TANC2: variants seen among roughly 807,000 people sequenced by gnomAD.
TANC2 encodes the protein protein TANC2.
Under a neutral mutation model 210.5 loss-of-function variants are expected in TANC2, and 26 were observed. The ratio of observed to expected loss-of-function variants is 0.12; its 90% CI spans 0.09 to 0.17. The LOEUF (loss-of-function observed/expected upper bound fraction) is 0.17, where lower values mean the gene tolerates loss of function less well. TANC2 is among the 10% of genes least tolerant of loss of function. The pLI is 1.00. For missense variants in TANC2, 2,129 were observed against 2,608.9 expected, an observed-to-expected ratio of 0.82 and a Z score of 4.01; for synonymous variants, 931 against 967.1, an observed-to-expected ratio of 0.96 and a Z score of 0.69.
chr17:63,003,899 G>C (rs1038076011), intron 1 of TANC2, among the ~76,000 whole-genome samples: 6 of 151,294 alleles, frequency 4.0e-5, no homozygotes, highest in Admixed American at 2.0e-4. Context: ...TAATTTGTTT[G>C]TTTTTTTTCA....
chr17:63,411,050 G>C (rs951303922), intron 21 of TANC2, among the ~76,000 whole-genome samples: 2 of 152,040 alleles, frequency 1.3e-5, no homozygotes, highest in African/African-American at 4.8e-5. Context: ...AGTTCCTAGA[G>C]AATGAGAAGT....
In TANC2 at chr17:63,421,889, A is replaced by G; in HGVS notation, c.6159A>G (p.Arg2053=). 6.2e-7 allele frequency: 1 copy of G among 1,613,956 alleles called. No individual in the cohort carries two copies. ...ACAACCTGTACAGGCAGCTGTCCCG[A>G]GACTCTCGGCAAGGGCAGACATCCC... The change falls in exon 28 of 28, where the codon CGA becomes CGG. Residue 2053 remains arginine (R), a synonymous_variant. Transcript: ENST00000689528. The surrounding 1 kb of genome is among the most constrained non-coding windows in gnomAD (Gnocchi z 6.9).
At chr17:63,102,985 G>T (rs912713160) in intron 4 of TANC2, among the ~76,000 whole-genome samples, 1 of 152,138 alleles carries the variant, frequency 6.6e-6, no homozygotes, top group African/African-American at 2.4e-5. Context: ...AGGATTTGAA[G>T]TATACAGAAA....
intron 9 of TANC2, among the ~76,000 whole-genome samples, chr17:63,305,043 T>TC (rs1190493416): frequency 6.6e-6 from 1 of 152,142 alleles, no homozygotes; most frequent in Non-Finnish European, 1.5e-5. Context: ...TGTTGCCCCT[T>TC]CCCCAAGGAG....
chr17:63,196,449 T>A (rs994914180), intron 6 of TANC2, among the ~76,000 whole-genome samples: 1 of 152,240 alleles, frequency 6.6e-6, no homozygotes, highest in Non-Finnish European at 1.5e-5. Context: ...CTGTCATTTC[T>A]ACACAGCTAC....
At chr17:63,170,351 C>T (rs920631968) in intron 5 of TANC2, among the ~76,000 whole-genome samples, 2 of 150,298 alleles carry the variant, frequency 1.3e-5, no homozygotes, top group African/African-American at 2.5e-5. Context: ...AGGAGAATGG[C>T]GTGAACCCGG....
rs960944812 is a variant in TANC2 at position 63,218,856 on chromosome 17, T to G, written c.769+17899T>G. On this transcript the variant is annotated intron_variant, in intron 7 of 27. Transcript: ENST00000689528. Reference sequence around the variant, plus strand: ...TTTCAGTGAGCTGAGATCACGCCACTTCACTGCAGCCTGGGCAACAAGAGC... The same window carrying G: ...TTTCAGTGAGCTGAGATCACGCCACGTCACTGCAGCCTGGGCAACAAGAGC... Among the ~76,000 whole-genome samples the G allele has an allele frequency of 1.2e-4, 18 of 152,146 alleles. No homozygotes were observed. In the East Asian group the frequency reaches 3.5e-3, roughly 29 times the overall value.
intron 2 of TANC2, among the ~76,000 whole-genome samples, chr17:63,068,973 G>A (rs1428940537): frequency 1.3e-5 from 2 of 152,028 alleles, no homozygotes; most frequent in African/African-American, 4.8e-5. Flanking sequence ...GTTAATTTGG[G>A]GAGGGATGGA....
Position 63,334,260 on chromosome 17 carries a change from C to T in TANC2, c.1576-5841C>T, listed in dbSNP as rs77997175. ...GATGATCCCAGAGGCAGGGAAAATACAAAATAAGTCTAGAACATCTTTTGG... is the reference window on the plus strand; with the variant it reads ...GATGATCCCAGAGGCAGGGAAAATATAAAATAAGTCTAGAACATCTTTTGG... On this transcript the variant is annotated intron_variant, in intron 11 of 27. Transcript: ENST00000689528. 7.6e-4 allele frequency: 115 copies of T among 152,106 alleles called. 1 individual carries two copies. Among genetic ancestry groups the T allele is most frequent in the African/African-American group, 2.7e-3 (113 of 41,488 alleles). The allele number at this position is 152,106 out of a possible 1,614,324, so 9.4% of individuals were successfully genotyped here.
intron 9 of TANC2, among the ~76,000 whole-genome samples, chr17:63,281,389 G>A (rs534278892): frequency 2.1e-4 from 32 of 152,184 alleles, no homozygotes; most frequent in Admixed American, 2.0e-3. Context: ...AAATGTGTGT[G>A]TAAGCCTTGC....
At chr17:63,364,219 T>C (rs755607869) in intron 14 of TANC2, among the ~76,000 whole-genome samples, 3 of 152,210 alleles carry the variant, frequency 2.0e-5, no homozygotes, top group Non-Finnish European at 4.4e-5. Context: ...TGCCAACACA[T>C]TGAATGTCTT....
chr17:63,244,765 A>G (rs1014650397), intron 8 of TANC2, among the ~76,000 whole-genome samples: 9 of 152,316 alleles, frequency 5.9e-5, no homozygotes, highest in Middle Eastern at 6.8e-3. Context: ...ATTTTGAATC[A>G]TAGCTCCCAC....
intron 3 of TANC2, among the ~76,000 whole-genome samples, chr17:63,094,883 A>G (rs2037331256): frequency 2.7e-5 from 4 of 148,112 alleles, no homozygotes; most frequent in Admixed American, 1.3e-4. Flanking sequence ...TATCTCAGTC[A>G]CTTTTAATTT....
chr17:63,158,808 G>A (rs936486963), intron 5 of TANC2, among the ~76,000 whole-genome samples: 1 of 152,132 alleles, frequency 6.6e-6, no homozygotes, highest in Non-Finnish European at 1.5e-5. Flanking sequence ...AGGGTTCTGT[G>A]GCTCTCACAG....
intron 3 of TANC2, among the ~76,000 whole-genome samples, chr17:63,097,828 T>C (rs1462342786): frequency 6.6e-6 from 1 of 152,182 alleles, no homozygotes; most frequent in African/African-American, 2.4e-5. Context: ...CCTTTAATGC[T>C]TGTGCTTTTG....
intron 12 of TANC2, among the ~76,000 whole-genome samples, chr17:63,350,195 T>A (rs2046553795): frequency 6.6e-6 from 1 of 152,172 alleles, no homozygotes; most frequent in African/African-American, 2.4e-5. Flanking sequence ...AATAGCCAAT[T>A]TTGTATGCAA....
chr17:63,275,074 G>A (rs2043830700), intron 9 of TANC2, among the ~76,000 whole-genome samples: 1 of 152,036 alleles, frequency 6.6e-6, no homozygotes, highest in Admixed American at 6.6e-5. Flanking sequence ...AAATATACAA[G>A]GCAAATTGTA....
intron 5 of TANC2, among the ~76,000 whole-genome samples, chr17:63,167,422 G>T (rs1004560193): frequency 6.6e-6 from 1 of 151,962 alleles, no homozygotes; most frequent in South Asian, 2.1e-4. Context: ...TTCATTAATG[G>T]GTACACTACA....
chr17:63,015,560 A>C (rs964233147), intron 2 of TANC2, among the ~76,000 whole-genome samples: 1 of 151,934 alleles, frequency 6.6e-6, no homozygotes, highest in African/African-American at 2.4e-5. Context: ...GAGTGAGAAC[A>C]TGTGGTGTTT....
Sources: gnomAD v4.1 joint callset for allele counts (sites outside exome capture counted in the v4.1 genomes callset) on GRCh38, gnomAD v4.1.1 for gene constraint, Gnocchi (gnomAD v3.1) non-coding constraint, MANE v1.5 for transcripts, NCBI Gene and HGNC (gene_info 2026-07-23, HGNC 2026-07-21) for gene names.